The following KCNC4 variants were observed in gnomAD, a reference collection of about 807,000 sequenced individuals.
KCNC4 encodes the protein potassium voltage-gated channel subfamily C member 4, also known as voltage-gated potassium channel KCNC4.
A neutral mutation model predicts 42.8 loss-of-function variants in KCNC4; 23 were observed. That is an observed-to-expected ratio of 0.54 (90% confidence interval 0.39 to 0.76). The LOEUF (loss-of-function observed/expected upper bound fraction) is 0.76, where lower values mean the gene tolerates loss of function less well. Ranked by LOEUF, KCNC4 falls within the 30% of genes least tolerant of loss-of-function variation. The pLI, the probability that KCNC4 is intolerant of heterozygous loss-of-function variation, is 0.00. For missense variants in KCNC4, 751 were observed against 898.2 expected, an observed-to-expected ratio of 0.84 and a Z score of 2.10; for synonymous variants, 422 against 393.5, an observed-to-expected ratio of 1.07 and a Z score of -0.86.
chr1:110,267,915 A>G (rs1157389277), intron 1 of KCNC4, among the ~76,000 whole-genome samples: 2 of 152,216 alleles, frequency 1.3e-5, no homozygotes, highest in East Asian at 1.9e-4. Context: ...TTCGTAATAC[A>G]TGGTTAGAAT....
intron 1 of KCNC4, among the ~76,000 whole-genome samples, chr1:110,263,139 C>T (rs1659482282): frequency 6.6e-6 from 1 of 152,176 alleles, no homozygotes; most frequent in South Asian, 2.1e-4. Flanking sequence ...GCAAAGGGAA[C>T]ATGTGGGTCA....
downstream of KCNC4, among the ~76,000 whole-genome samples, chr1:110,251,095 G>A (rs550122927): frequency 6.6e-6 from 1 of 152,248 alleles, no homozygotes; most frequent in East Asian, 1.9e-4. Flanking sequence ...GTGCCTGCAG[G>A]GTAGAGTGGT....
At chr1:110,228,848 A>G (rs1658548388) in intron 3 of KCNC4, 2 of 152,332 alleles carry the variant, frequency 1.3e-5, no homozygotes, top group East Asian at 3.9e-4. Flanking sequence ...CCTGCCCTCC[A>G]TAGCTCCAAG....
At chr1:110,271,267 A>G (rs1659628948) in intron 1 of KCNC4, among the ~76,000 whole-genome samples, 1 of 152,200 alleles carries the variant, frequency 6.6e-6, no homozygotes, top group African/African-American at 2.4e-5. Context: ...TGAAAGCTGG[A>G]TAACAGAAGG....
At position 110,233,448 on chromosome 1, in the gene KCNC4, AGTCTATT is replaced by A. The variant is rs1246980015; in HGVS notation, c.*478_*484del. The A allele has an allele frequency of 5.1e-6, 1 of 196,912 alleles. No individual in the cohort carries two copies. Among genetic ancestry groups the A allele is most frequent in the East Asian group, 1.4e-4 (1 of 7,390 alleles). The allele number at this position is 196,912 out of a possible 1,614,324, so 12.2% of individuals were successfully genotyped here. ...CCCCTGTCAGCAAGTAACCTGGTGA[AGTCTATT>A]GAAGGCCAGACTGCCCCCTAGGGTC... On this transcript the variant is annotated 3_prime_UTR_variant, in exon 4 of 4. Transcript: ENST00000438661.
At chr1:110,219,347 C>G (rs1657970471) in intron 1 of KCNC4, among the ~76,000 whole-genome samples, 1 of 152,214 alleles carries the variant, frequency 6.6e-6, no homozygotes, top group Non-Finnish European at 1.5e-5. Context: ...TCATTTAATC[C>G]TACCGTAACA....
At chr1:110,236,015 A>G (rs1023413915), downstream of KCNC4, 4 of 152,202 alleles carry the variant, frequency 2.6e-5, no homozygotes, top group South Asian at 2.1e-4. Flanking sequence ...TGCCTAGCAC[A>G]TAACCATTGC....
chr1:110,242,114 C>T (rs12078254), exon 4 of KCNC4: 4,102 of 152,538 alleles, frequency 0.027, 170 homozygotes, highest in African/African-American at 0.091. Context: ...GCCAAGTCTC[C>T]TCTCACCCAC....
chr1:110,224,127 G>C (rs1176474479), intron 2 of KCNC4: 7 of 557,616 alleles, frequency 1.3e-5, no homozygotes, highest in Admixed American at 3.2e-5. Flanking sequence ...ATTCCACCCA[G>C]GGTAGGGTGT....
At chr1:110,270,131 T>C (rs1029443375) in intron 1 of KCNC4, among the ~76,000 whole-genome samples, 17 of 152,224 alleles carry the variant, frequency 1.1e-4, no homozygotes, top group Admixed American at 3.3e-4. Flanking sequence ...GGAAAAACAC[T>C]GACGTCCAAC....
exon 4 of KCNC4, chr1:110,242,682 G>A (rs939972417): frequency 2.0e-5 from 3 of 152,220 alleles, no homozygotes; most frequent in Admixed American, 6.5e-5. Flanking sequence ...GCCTCTGGAA[G>A]GTATAATAGC....
At chr1:110,280,983 T>A (rs1360975279) in intron 1 of KCNC4, among the ~76,000 whole-genome samples, 1 of 152,060 alleles carries the variant, frequency 6.6e-6, no homozygotes, top group Non-Finnish European at 1.5e-5. Flanking sequence ...AACAGTTGCA[T>A]CCCTGAGGAC....
In KCNC4 at chr1:110,218,041, C is replaced by T. The variant is rs867825530; in HGVS notation, c.679-4923C>T. The stretch of plus-strand genomic sequence containing the variant: ...CTCAATTTTCCCTTCTCCTACACTT[C>T]ATCCTTAATATAGGTTTTTGGGCCT... On this transcript the variant is annotated intron_variant, in intron 1 of 3. Transcript: ENST00000438661. Among the ~76,000 whole-genome samples the T allele has an allele frequency of 4.6e-5, 7 of 152,140 alleles. No individual in the cohort carries two copies. In the South Asian group the frequency reaches 6.2e-4, roughly 13 times the overall value.
downstream of KCNC4, among the ~76,000 whole-genome samples, chr1:110,249,434 C>T (rs562956600): frequency 1.5e-3 from 225 of 152,298 alleles, 3 homozygotes; most frequent in South Asian, 9.1e-3. Context: ...CTGGTTAGCA[C>T]GTTGCCTGGC....
At chr1:110,273,170 G>A (rs1659664291) in intron 1 of KCNC4, among the ~76,000 whole-genome samples, 2 of 152,176 alleles carry the variant, frequency 1.3e-5, no homozygotes, top group Admixed American at 1.3e-4. Context: ...GAGCTACAGA[G>A]TGCCTTTCAT....
At chr1:110,238,311 G>A (rs1658953472), downstream of KCNC4, 1 of 152,166 alleles carries the variant, frequency 6.6e-6, no homozygotes, top group African/African-American at 2.4e-5. Flanking sequence ...TTCCCCTTGG[G>A]GCTGAGTTAG....
intron 1 of KCNC4, among the ~76,000 whole-genome samples, chr1:110,218,875 G>A (rs1278216447): frequency 1.3e-5 from 2 of 152,162 alleles, no homozygotes; most frequent in African/African-American, 4.8e-5. Context: ...CAGGAGCCCA[G>A]GGGGCGCAGG....
At chr1:110,248,248 T>C (rs1300341303) in exon 4 of KCNC4, 1 of 152,268 alleles carries the variant, frequency 6.6e-6, no homozygotes, top group Non-Finnish European at 1.5e-5. Flanking sequence ...AATAAATTAT[T>C]AAAATGAATT....
At chr1:110,273,397 C>T (rs1659667316) in intron 1 of KCNC4, among the ~76,000 whole-genome samples, 2 of 152,110 alleles carry the variant, frequency 1.3e-5, no homozygotes, top group South Asian at 4.1e-4. Context: ...AGTCTGCCTT[C>T]TGTGAGAGTT....
Sources: gnomAD v4.1 joint callset for allele counts (sites outside exome capture counted in the v4.1 genomes callset) on GRCh38, gnomAD v4.1.1 for gene constraint, MANE v1.5 for transcripts, NCBI Gene and HGNC (gene_info 2026-07-23, HGNC 2026-07-21) for gene names.